KAZN: variants seen among roughly 807,000 people sequenced by gnomAD.
The protein encoded by KAZN is kazrin, periplakin interacting protein, also known as kazrin.
In KAZN, 40 loss-of-function variants were observed where a neutral mutation model predicts 87.4. The ratio of observed to expected loss-of-function variants is 0.46; its 90% CI spans 0.36 to 0.60. KAZN has a LOEUF of 0.60. Ranked by LOEUF, KAZN falls within the 20% of genes least tolerant of loss-of-function variation. The pLI is 0.00. For synonymous variants in KAZN, 466 were observed against 458.3 expected (o/e 1.02, Z -0.22); for missense variants, 898 against 1,073.9 (o/e 0.84, Z 2.29).
chr1:14,297,454 G>A (rs1654211986), intron 2 of KAZN, among the ~76,000 whole-genome samples: 1 of 152,134 alleles, frequency 6.6e-6, no homozygotes, highest in African/African-American at 2.4e-5. Flanking sequence ...TTATTTTGCA[G>A]CCTCTGCGGT....
rs1489426923 is a variant in KAZN, at chr1:15,092,235, CA to C, written c.1223-1944del. On this transcript the variant is annotated intron_variant, in intron 8 of 14. Coordinates refer to ENST00000376030, the MANE Select transcript of KAZN (RefSeq NM_201628.3). The stretch of plus-strand genomic sequence containing the variant: ...GGGATTACAGGCATATGCCACCACC[CA>C]GGCTAATTTTGTATTTTTAGTAGAG... Among the ~76,000 whole-genome samples, 105 of 151,870 alleles carry C rather than the reference CA, an allele frequency of 6.9e-4. 1 individual carries two copies. Among genetic ancestry groups the C allele is most frequent in the Non-Finnish European group, 6.9e-4 (47 of 67,938 alleles).
chr1:14,335,111 C>CT (rs1024004313), intron 2 of KAZN, among the ~76,000 whole-genome samples: 3 of 150,706 alleles, frequency 2.0e-5, no homozygotes, highest in Admixed American at 6.7e-5. Flanking sequence ...TCGGTGCCCC[C>CT]CCCCCACCAC....
At chr1:14,198,706 C>A (rs916401362) in intron 2 of KAZN, among the ~76,000 whole-genome samples, 1 of 152,076 alleles carries the variant, frequency 6.6e-6, no homozygotes, top group African/African-American at 2.4e-5. Context: ...ATGTTTATAA[C>A]TATTAATATG....
At chr1:15,048,157 A>T (rs1673787685) in intron 4 of KAZN, among the ~76,000 whole-genome samples, 1 of 152,230 alleles carries the variant, frequency 6.6e-6, no homozygotes, top group Admixed American at 6.5e-5. Context: ...CCATGTCCTG[A>T]GGAGCCAACT....
chr1:15,011,413 C>T (rs879337893), intron 2 of KAZN, among the ~76,000 whole-genome samples: 3 of 152,184 alleles, frequency 2.0e-5, no homozygotes, highest in Non-Finnish European at 4.4e-5. Flanking sequence ...GTCACCAGAA[C>T]GTGCAGCCTT....
chr1:14,223,752 C>G (rs755420085), intron 2 of KAZN, among the ~76,000 whole-genome samples: 1 of 152,170 alleles, frequency 6.6e-6, no homozygotes, highest in Non-Finnish European at 1.5e-5. Context: ...AGGAGAAACA[C>G]TGGATTAATT....
intron 2 of KAZN, among the ~76,000 whole-genome samples, chr1:14,236,644 A>C (rs1648448827): frequency 6.6e-6 from 1 of 152,200 alleles, no homozygotes; most frequent in African/African-American, 2.4e-5. Context: ...TCGGCCAGGC[A>C]CAGTGGCGCA....
chr1:14,127,699 C>G (rs6668158), intron 1 of KAZN, among the ~76,000 whole-genome samples: 86,594 of 151,712 alleles, frequency 0.57, 25,940 homozygotes, highest in East Asian at 0.76. Context: ...CATGGGGTTA[C>G]GAGAGAAAGG....
intron 1 of KAZN, among the ~76,000 whole-genome samples, chr1:14,866,055 G>C (rs941692521): frequency 6.6e-6 from 1 of 152,136 alleles, no homozygotes; most frequent in Non-Finnish European, 1.5e-5. Context: ...CATCTGCTTT[G>C]TGGCACTTTG....
At position 15,110,374 on chromosome 1, in the gene KAZN, AGTGT is replaced by A. The variant is rs370313441; in HGVS notation, c.2049-2050_2049-2047del. On this transcript the variant is annotated intron_variant, in intron 13 of 14. Transcript: ENST00000376030. The stretch of plus-strand genomic sequence containing the variant: ...TGTTTGTGTGTATGTGTGTATATGT[AGTGT>A]GTATTTGTGTGTTTGTGTGTGTCTG... 7.2e-4 allele frequency among the ~76,000 whole-genome samples: 74 copies of A among 102,478 alleles called. 1 individual carries two copies. The highest frequency in any genetic ancestry group is 7.2e-3 in the Middle Eastern group (1 of 138). The allele number at this position is 102,478 out of a possible 152,430, so 67.2% of individuals were successfully genotyped here. A position where few individuals can be genotyped will look rare whatever the true frequency, so the allele number is the denominator to read the frequency against.
In KAZN at chr1:14,599,054, C is replaced by T; in HGVS notation, c.57C>T (p.Ala19=). 2 of 1,566,334 alleles carry T rather than the reference C, an allele frequency of 1.3e-6. No homozygotes were observed. The highest frequency in any genetic ancestry group is 1.7e-6 in the Non-Finnish European group (2 of 1,160,650). The change falls in exon 1 of 15, where the codon GCC becomes GCT. Residue 19 remains alanine (A), a synonymous_variant. Transcript: ENST00000376030. The surrounding 1 kb of genome is among the most constrained non-coding windows in gnomAD (Gnocchi z 4.4). ...GCATCGATGGGGCGGTCCAGTCGGCCAGCCAGGAGGTGACCAACCTGCGAG... is the reference window on the plus strand; with the variant it reads ...GCATCGATGGGGCGGTCCAGTCGGCTAGCCAGGAGGTGACCAACCTGCGAG... ...ALRIDGAVQS[A]SQEVTNLRAE...
At chr1:14,468,146 G>A (rs779534376) in intron 2 of KAZN, among the ~76,000 whole-genome samples, 1 of 152,060 alleles carries the variant, frequency 6.6e-6, no homozygotes, top group African/African-American at 2.4e-5. Flanking sequence ...TGGGTTGGAG[G>A]GACATGGAAA....
rs947754819 is a variant in KAZN at position 14,556,401 on chromosome 1, G to T, written c.250-42582G>T. On this transcript the variant is annotated intron_variant, in intron 2 of 16. Coordinates refer to the KAZN transcript ENST00000636203. ...TGGGATTACAGGTGTGAGCCCCCGT[G>T]CCCGGCGGGGGAAGAGCAGTTCTTA... Among the ~76,000 whole-genome samples the T allele has an allele frequency of 6.1e-4, 93 of 152,154 alleles. 1 individual carries two copies. Among genetic ancestry groups the T allele is most frequent in the African/African-American group, 2.1e-3 (89 of 41,512 alleles).
chr1:14,867,031 C>A (rs1651534974), intron 1 of KAZN, among the ~76,000 whole-genome samples: 1 of 152,218 alleles, frequency 6.6e-6, no homozygotes, highest in African/African-American at 2.4e-5. Context: ...CTGGCCACGC[C>A]CCTGCCTCCC....
At chr1:14,764,504 C>A (rs531727875) in intron 1 of KAZN, among the ~76,000 whole-genome samples, 29 of 151,860 alleles carry the variant, frequency 1.9e-4, no homozygotes, top group Non-Finnish European at 3.8e-4. Flanking sequence ...CCTCTGCCCC[C>A]CCATAGAACG....
chr1:14,608,878 G>A lies in KAZN; in HGVS notation c.226+9655G>A, dbSNP rs147627511. On this transcript the variant is annotated intron_variant, in intron 1 of 14. Coordinates refer to ENST00000376030, the MANE Select transcript of KAZN (RefSeq NM_201628.3). ...GTGTATTTAAACCATTGAACATGGC[G>A]TATTTGCTTTAATTTGGCAAGTGCA... 5.0e-4 allele frequency among the ~76,000 whole-genome samples: 76 copies of A among 152,236 alleles called. 1 individual carries two copies. The East Asian group carries it at 0.011, about 21-fold the overall frequency.
chr1:14,360,733 C>T (rs1410759305), intron 2 of KAZN, among the ~76,000 whole-genome samples: 2 of 152,206 alleles, frequency 1.3e-5, no homozygotes, highest in Non-Finnish European at 2.9e-5. Flanking sequence ...TGGAGGTTCA[C>T]TCCAGACCCT....
At chr1:14,374,567 T>C (rs1183895132) in intron 2 of KAZN, among the ~76,000 whole-genome samples, 1 of 152,148 alleles carries the variant, frequency 6.6e-6, no homozygotes, top group Non-Finnish European at 1.5e-5. Context: ...GAAAACCCAT[T>C]TGGAACTTTC....
chr1:14,736,254 G>GGGGTGTGTGT (rs780407996), intron 1 of KAZN, among the ~76,000 whole-genome samples: 74 of 115,310 alleles, frequency 6.4e-4, no homozygotes, highest in Admixed American at 8.3e-4. Flanking sequence ...GGGACTCAAG[G>GGGGTGTGTGT]GTGTGTGTGT....
Sources: gnomAD v4.1 joint callset for allele counts (sites outside exome capture counted in the v4.1 genomes callset) on GRCh38, gnomAD v4.1.1 for gene constraint, Gnocchi (gnomAD v3.1) non-coding constraint, MANE v1.5 for transcripts, NCBI Gene and HGNC (gene_info 2026-07-23, HGNC 2026-07-21) for gene names.